The following SCAF4 variants were observed in gnomAD, a reference collection of about 807,000 sequenced individuals.
The protein encoded by SCAF4 is SR-related and CTD-associated factor 4.
A neutral mutation model predicts 129.8 loss-of-function variants in SCAF4; 25 were observed. That is an observed-to-expected ratio of 0.19 (90% CI 0.14 to 0.27). The LOEUF is 0.27. Among genes scored for constraint, SCAF4 ranks in the 10% least tolerant of loss-of-function variants. The pLI, the probability that SCAF4 is intolerant of heterozygous loss-of-function variation, is 1.00. For missense variants in SCAF4, 1,246 were observed against 1,457.1 expected (o/e 0.86, Z 2.36); for synonymous variants, 551 against 497.7 (o/e 1.11, Z -1.43).
chr21:31,711,264 T>C (rs2050792670), intron 1 of SCAF4, among the ~76,000 whole-genome samples: 1 of 152,234 alleles, frequency 6.6e-6, no homozygotes, highest in Admixed American at 6.5e-5. Context: ...CTTTTAACAG[T>C]CAATGAATGC....
At chr21:31,721,107 C>T (rs980000819) in intron 1 of SCAF4, among the ~76,000 whole-genome samples, 2 of 152,166 alleles carry the variant, frequency 1.3e-5, no homozygotes, top group Non-Finnish European at 2.9e-5. Flanking sequence ...TCATCACCCC[C>T]AAAACAAATC....
intron 1 of SCAF4, among the ~76,000 whole-genome samples, chr21:31,726,642 G>A (rs927611200): frequency 6.6e-6 from 1 of 152,140 alleles, no homozygotes; most frequent in Non-Finnish European, 1.5e-5. Context: ...TCTAGTCTGG[G>A]CCACAGAGCC....
intron 1 of SCAF4, among the ~76,000 whole-genome samples, chr21:31,711,703 G>A (rs2050803361): frequency 6.6e-6 from 1 of 152,014 alleles, no homozygotes; most frequent in Admixed American, 6.6e-5. Flanking sequence ...AGATAGTAAA[G>A]ATAAAAAGGA....
At chr21:31,688,264 C>T (rs756526576) in intron 16 of SCAF4, 43 bp downstream of exon 16, 7 of 1,587,366 alleles carry the variant, frequency 4.4e-6, no homozygotes, top group Non-Finnish European at 3.4e-6. Context: ...AGAAAGGGAC[C>T]TTTCAGGCAC....
chr21:31,695,126 G>A (rs1568840394), intron 9 of SCAF4, 146 bp from the exon 10 acceptor site: 3 of 667,786 alleles, frequency 4.5e-6, no homozygotes, highest in Non-Finnish European at 7.5e-6. Flanking sequence ...ATTTCCATAT[G>A]TACAATTTCC....
chr21:31,683,739 C>G (rs188679676), intron 19 of SCAF4, among the ~76,000 whole-genome samples: 1 of 151,620 alleles, frequency 6.6e-6, no homozygotes, highest in Non-Finnish European at 1.5e-5. Flanking sequence ...AAAAAAGATG[C>G]AAAGATGTTC....
intron 3 of SCAF4, among the ~76,000 whole-genome samples, chr21:31,705,199 A>G (rs2050627459): frequency 6.6e-6 from 1 of 152,204 alleles, no homozygotes; most frequent in African/African-American, 2.4e-5. Context: ...CATAACCAAC[A>G]TATAAGAAAC....
Position 31,671,786 on chromosome 21 carries a change from AC to A in SCAF4, c.3056del (p.Arg1019LeufsTer65), listed in dbSNP as rs1165287553. ...VENDRERYGN[R>X]NDDRDNSNRD... ...GGTTACTATTATCTCTATCATCATT[AC>A]GGTTCCCATACCGTTCCCGGTCATT... On this transcript the variant is annotated frameshift_variant, in exon 20 of 20. Transcript: ENST00000286835. LOFTEE classifies it high-confidence loss of function. The A allele has an allele frequency of 6.2e-7, 1 of 1,614,068 alleles. No homozygotes were observed. Among genetic ancestry groups the A allele is most frequent in the Non-Finnish European group, 8.5e-7 (1 of 1,179,960 alleles).
rs763126937 is a variant in SCAF4, at chr21:31,694,849, T to C, written c.1200A>G (p.Ala400=). The C allele has an allele frequency of 2.5e-6, 4 of 1,614,078 alleles. No individual in the cohort carries two copies. The African/African-American group carries it at 5.3e-5, about 22-fold the overall frequency. Residue 400 remains alanine, a synonymous_variant, in exon 10 of 20, where the codon GCA becomes GCG. Transcript: ENST00000286835. ...GCTTCTGTGTAAGTGGTTCATTTTG[T>C]GCCTGAAAAGAAGCTTGGAAAGGCT... ...VQQPFQASFQ[A]QNEPLTQKPH... is the part of the protein sequence containing the mutation.
intron 1 of SCAF4, chr21:31,706,694 G>A (rs948090383): frequency 1.1e-5 from 3 of 271,728 alleles, no homozygotes; most frequent in African/African-American, 6.8e-5. Flanking sequence ...GGCAGCAGAA[G>A]TATAAATCCT....
At chr21:31,693,749 T>G (rs538029149) in intron 11 of SCAF4, among the ~76,000 whole-genome samples, 16 of 152,304 alleles carry the variant, frequency 1.1e-4, no homozygotes, top group African/African-American at 3.6e-4. Context: ...AATTACATCC[T>G]TGTAATTTAA....
chr21:31,693,443 C>G lies in SCAF4; in HGVS notation c.1364G>C (p.Arg455Pro). 1 of 1,548,800 alleles carries G rather than the reference C, an allele frequency of 6.5e-7. No homozygotes were observed. Among genetic ancestry groups the G allele is most frequent in the Non-Finnish European group, 8.8e-7 (1 of 1,136,208 alleles). Reference sequence around the variant, plus strand: ...TCGAGAACGTCGATGCCGAGACCTTCGAGATCTAGAACCAGATCTAGATCG... The same window carrying G: ...TCGAGAACGTCGATGCCGAGACCTTGGAGATCTAGAACCAGATCTAGATCG... ...RRRSRSGSRS[R>P]RSRHRRSRSR... The change falls in exon 12 of 20, where the codon CGA (arginine) becomes CCA (proline). Residue 455 changes from arginine to proline, a missense_variant. Physicochemically the swap from Arg to Pro is moderately radical, Grantham distance 103 (BLOSUM62 -2). Coordinates refer to ENST00000286835, the MANE Select transcript of SCAF4 (RefSeq NM_020706.2).
In SCAF4 at chr21:31,701,794, C is replaced by G; in HGVS notation, c.582G>C (p.Gln194His). 1 of 1,611,482 alleles carries G rather than the reference C, an allele frequency of 6.2e-7. No homozygotes were observed. Among genetic ancestry groups the G allele is most frequent in the Non-Finnish European group, 8.5e-7 (1 of 1,179,404 alleles). The change falls in exon 6 of 20, where the codon CAG (glutamine) becomes CAC (histidine). Residue 194 changes from glutamine to histidine, a missense_variant. By Grantham distance (24) the Gln-to-His change is conservative. Coordinates refer to ENST00000286835, the MANE Select transcript of SCAF4 (RefSeq NM_020706.2). ...AGTTTACCTGTTGGCCTTGAGTTGT[C>G]TGAAACAGCTGAGCCACAGCAGCAA... Reference protein sequence around the residue: ...DAFAAVAQLFQTTQGQQLQQI... With the variant: ...DAFAAVAQLFHTTQGQQLQQI...
intron 1 of SCAF4, among the ~76,000 whole-genome samples, chr21:31,723,625 TGTGTGC>T (rs2051128781): frequency 7.0e-6 from 1 of 142,070 alleles, no homozygotes; most frequent in African/African-American, 2.5e-5. Flanking sequence ...TGTGTGTGTG[TGTGTGC>T]GCGCGCGCGC....
At chr21:31,722,932 G>A (rs2051106075) in intron 1 of SCAF4, among the ~76,000 whole-genome samples, 1 of 152,104 alleles carries the variant, frequency 6.6e-6, no homozygotes, top group Admixed American at 6.5e-5. Context: ...CAGCCTGGGT[G>A]ACAGAGCAAG....
In SCAF4 at chr21:31,692,320, C is replaced by T. The variant is rs750253370; in HGVS notation, c.1614+29G>A. Reference sequence around the variant, plus strand: ...AATGACATTAATCACACCTGTCCATCGTACTTAAAAAACTGAATAAACACT... The same window carrying T: ...AATGACATTAATCACACCTGTCCATTGTACTTAAAAAACTGAATAAACACT... On this transcript the variant is annotated intron_variant, in intron 13 of 19. Transcript: ENST00000286835. 42 of 1,518,816 alleles carry T rather than the reference C, an allele frequency of 2.8e-5. No homozygotes were observed. In the East Asian group the frequency reaches 4.5e-4, roughly 16 times the overall value. 94.1% of individuals were successfully genotyped at this position (1,518,816 alleles called of 1,614,324 possible).
chr21:31,731,995 A>T lies in SCAF4; in HGVS notation c.-303T>A. The T allele has an allele frequency of 4.2e-6, 2 of 471,208 alleles. No individual in the cohort carries two copies. The highest frequency in any genetic ancestry group is 7.3e-6 in the Non-Finnish European group (2 of 272,126). 29.2% of individuals were successfully genotyped at this position (471,208 alleles called of 1,614,324 possible). ...CGGCTGCGCTCTGCGTCTCGCTGAC[A>T]CGGCCCCCCGCGCCCTCACGCACTG... On this transcript the variant is annotated 5_prime_UTR_variant, in exon 1 of 20. Transcript: ENST00000286835.
chr21:31,694,214 A>T lies in SCAF4; in HGVS notation c.1312T>A (p.Ser438Thr), dbSNP rs145646083. The change falls in exon 11 of 20, where the codon TCA becomes ACA. Residue 438 changes from serine (S) to threonine (T), a missense_variant. Ser to Thr is a moderately conservative substitution (Grantham distance 58). Around this residue, in one of 6 missense-constraint regions of SCAF4, gnomAD observed 468 missense variants for 605.5 expected, o/e 0.77. Coordinates refer to ENST00000286835, the MANE Select transcript of SCAF4 (RefSeq NM_020706.2). The part of the protein sequence containing the change: ...MSDNRKSRSR[S>T]ASRSPKRRRS... ...TTTTCTATAAATTACCTGGATGCTG[A>T]CCTAGATCTTGACTTTCTGTTATCA... is the stretch of plus-strand genomic sequence containing the variant. 661 of 1,598,018 alleles carry T rather than the reference A, an allele frequency of 4.1e-4. 4 individuals carry two copies. The African/African-American group carries it at 7.7e-3, about 19-fold the overall frequency.
At chr21:31,701,344 A>G (rs1211709035) in intron 6 of SCAF4, among the ~76,000 whole-genome samples, 173 bp from the exon 7 acceptor site, 1 of 152,190 alleles carries the variant, frequency 6.6e-6, no homozygotes, top group Non-Finnish European at 1.5e-5. Context: ...ATATACAGAG[A>G]TATAATGTGC....
Sources: gnomAD v4.1 joint callset for allele counts (sites outside exome capture counted in the v4.1 genomes callset) on GRCh38, gnomAD v4.1.1 for gene constraint, gnomAD v4.1.1 regional missense constraint, MANE v1.5 for transcripts, NCBI Gene and HGNC (gene_info 2026-07-23, HGNC 2026-07-21) for gene names.